Variants in CFAP46 observed in about 807,000 individuals in gnomAD.
CFAP46 encodes the protein cilia- and flagella-associated protein 46.
CFAP46 carries 245 observed loss-of-function variants against 325.7 expected under a neutral mutation model. The ratio of observed to expected loss-of-function variants is 0.75; its 90% confidence interval spans 0.68 to 0.84. The LOEUF is 0.84. Among genes scored for constraint, CFAP46 ranks in the 40% least tolerant of loss-of-function variants. The pLI is 0.00. For synonymous variants in CFAP46, 1,523 were observed against 1,495.9 expected (o/e 1.02, Z -0.42); for missense variants, 3,346 against 3,543.0 (o/e 0.94, Z 1.41).
At chr10:132,912,294 CT>C (rs540236150) in intron 19 of CFAP46, among the ~76,000 whole-genome samples, 36,218 of 99,992 alleles carry the variant, frequency 0.36, 8,115 homozygotes, top group Admixed American at 0.49. Flanking sequence ...CCTCCTCTCT[CT>C]CTCCTCTCTT....
In CFAP46 at chr10:132,834,933, C is replaced by T. The variant is rs562894853; in HGVS notation, c.6745-158G>A. Among the ~76,000 whole-genome samples the T allele has an allele frequency of 6.1e-4, 93 of 152,386 alleles. No individual in the cohort carries two copies. In the Middle Eastern group the frequency reaches 0.027, roughly 45 times the overall value. ...CTCGGCAACGAGGGCCCCATAGCAC[C>T]TGGCCCATCCTCTGGAGGGTCACCC... On this transcript the variant is annotated intron_variant, in intron 47 of 57. Transcript: ENST00000368586.
intron 16 of CFAP46, 64 bp from the exon 17 acceptor site, chr10:132,916,746 A>AAC: frequency 1.4e-6 from 2 of 1,403,822 alleles, no homozygotes; most frequent in South Asian, 3.2e-5. Flanking sequence ...CCAGATAGGA[A>AAC]ACACACACGC....
rs1169725377 is a variant in CFAP46, at chr10:132,908,427, C to A, written c.2924+41G>T. ...TTGAGGCCCAGGCCTGCGCTCCCTG[C>A]CCGTTTTGAGGGAATTTGTCCAGTC... On this transcript the variant is annotated intron_variant, in intron 22 of 57. Transcript: ENST00000368586. 13 of 1,548,442 alleles carry A rather than the reference C, an allele frequency of 8.4e-6. No individual in the cohort carries two copies. In the Admixed American group the frequency reaches 2.5e-4, roughly 30 times the overall value.
chr10:132,876,766 C>A lies in CFAP46; in HGVS notation c.4362+46G>T. The stretch of plus-strand genomic sequence containing the variant: ...GACTTGGGGACAGGTCAAGGGGACA[C>A]CATGCTGTGACCAAGGTCTTGAGCC... On this transcript the variant is annotated intron_variant, in intron 31 of 57. Transcript: ENST00000368586. The surrounding 1 kb of genome is among the most constrained non-coding windows in gnomAD (Gnocchi z 4.1). The A allele has an allele frequency of 1.3e-6, 2 of 1,528,382 alleles. No homozygotes were observed. Among genetic ancestry groups the A allele is most frequent in the African/African-American group, 1.4e-5 (1 of 72,358 alleles). The allele number at this position is 1,528,382 out of a possible 1,614,324, so 94.7% of individuals were successfully genotyped here. A position where few individuals can be genotyped will look rare whatever the true frequency, so the allele number is the denominator to read the frequency against.
At chr10:132,841,815 C>T (rs1457875480) in intron 44 of CFAP46, among the ~76,000 whole-genome samples, 1 of 152,186 alleles carries the variant, frequency 6.6e-6, no homozygotes, top group Non-Finnish European at 1.5e-5. Flanking sequence ...GGAGCATGGT[C>T]CCCAGCAGGC....
At chr10:132,815,887 G>T (rs959113808) in intron 50 of CFAP46, among the ~76,000 whole-genome samples, 2 of 152,180 alleles carry the variant, frequency 1.3e-5, no homozygotes, top group African/African-American at 4.8e-5. Flanking sequence ...GAGGTAGGCT[G>T]GCCTAGGGAA....
chr10:132,936,473 G>A (rs1415257248), intron 7 of CFAP46, among the ~76,000 whole-genome samples: 3 of 99,426 alleles, frequency 3.0e-5, no homozygotes, highest in East Asian at 3.0e-4. Context: ...CACTCCCCTC[G>A]GCACCCAAAC....
chr10:132,883,657 G>A (rs748185248), intron 27 of CFAP46, among the ~76,000 whole-genome samples: 1 of 152,240 alleles, frequency 6.6e-6, no homozygotes, highest in African/African-American at 2.4e-5. Context: ...GCCAGAACTC[G>A]GGAGCAAATG....
intron 1 of CFAP46, 118 bp downstream of exon 1, chr10:132,942,318 T>C: frequency 1.2e-6 from 1 of 809,392 alleles, no homozygotes; most frequent in Non-Finnish European, 1.6e-6. Context: ...GCTGTGGCCC[T>C]CGAGGGATCA....
intron 22 of CFAP46, among the ~76,000 whole-genome samples, chr10:132,903,810 C>T (rs1027647302): frequency 1.7e-4 from 26 of 152,000 alleles, no homozygotes; most frequent in African/African-American, 6.3e-4. Context: ...TTGGTGATTA[C>T]GTTAAATAAA....
At chr10:132,835,628 T>A (rs1324142434) in intron 46 of CFAP46, among the ~76,000 whole-genome samples, 194 bp from the exon 47 acceptor site, 1 of 152,094 alleles carries the variant, frequency 6.6e-6, no homozygotes, top group Non-Finnish European at 1.5e-5. Flanking sequence ...AGGCAGCGGA[T>A]GGGCCTCCTG....
At chr10:132,926,423 G>C (rs972359443) in intron 10 of CFAP46, 145 bp downstream of exon 10, 1 of 649,762 alleles carries the variant, frequency 1.5e-6, no homozygotes, top group Non-Finnish European at 2.8e-6. Flanking sequence ...ACTCACACCC[G>C]CTGTCACGGG....
intron 5 of CFAP46, among the ~76,000 whole-genome samples, chr10:132,937,924 C>G (rs189435966): frequency 1.8e-4 from 28 of 152,324 alleles, no homozygotes; most frequent in Middle Eastern, 6.8e-3. Context: ...TTCAAAGGTT[C>G]CCCAAACGGC....
intron 37 of CFAP46, 149 bp from the exon 38 acceptor site, chr10:132,859,396 G>A: frequency 3.1e-6 from 2 of 654,880 alleles, no homozygotes; most frequent in Non-Finnish European, 5.1e-6. Flanking sequence ...AACATCATAT[G>A]GGCCTCATTC....
Position 132,879,600 on chromosome 10 carries a change from C to T in CFAP46, c.3831G>A (p.Arg1277=). Residue 1277 remains arginine (R), a synonymous_variant, in exon 29 of 58, where the codon CGG becomes CGA. Coordinates refer to ENST00000368586, the MANE Select transcript of CFAP46 (RefSeq NM_001200049.3). ...CCTCCTCGGCCTCGGACACGGGGCTCCGTGGGGGCATCTCCACAGCCACGT... is the reference window on the plus strand; with the variant it reads ...CCTCCTCGGCCTCGGACACGGGGCTTCGTGGGGGCATCTCCACAGCCACGT... ...GEYVAVEMPP[R]SPVSEAEEAV... 1.9e-6 allele frequency: 3 copies of T among 1,543,950 alleles called. No individual in the cohort carries two copies. Among genetic ancestry groups the T allele is most frequent in the Non-Finnish European group, 2.6e-6 (3 of 1,144,578 alleles).
intron 50 of CFAP46, among the ~76,000 whole-genome samples, chr10:132,818,338 G>A (rs1009628464): frequency 6.6e-6 from 1 of 151,954 alleles, no homozygotes; most frequent in Admixed American, 6.6e-5. Context: ...CGTGAAAGGT[G>A]GAACACAAAA....
chr10:132,924,505 G>T (rs982598935), intron 11 of CFAP46, among the ~76,000 whole-genome samples, 191 bp downstream of exon 11: 1 of 152,216 alleles, frequency 6.6e-6, no homozygotes, highest in African/African-American at 2.4e-5. Context: ...CTCTGGCGCC[G>T]CCAATGCACC....
Position 132,934,487 on chromosome 10 carries a change from C to T in CFAP46, c.866+265G>A, listed in dbSNP as rs561618703. On this transcript the variant is annotated intron_variant, in intron 8 of 57. Transcript: ENST00000368586. ...TGGAACGCCACGCAGCCACCAGAAC[C>T]GTGAGAGGTGCCACAGTGACCTAAC... Among the ~76,000 whole-genome samples, 9 of 152,310 alleles carry T rather than the reference C, an allele frequency of 5.9e-5. No individual in the cohort carries two copies. The South Asian group carries it at 1.9e-3, about 32-fold the overall frequency.
Position 132,922,620 on chromosome 10 carries a change from G to A in CFAP46, c.1345C>T (p.Leu449Phe). 1 of 1,549,754 alleles carries A rather than the reference G, an allele frequency of 6.5e-7. No homozygotes were observed. Among genetic ancestry groups the A allele is most frequent in the Non-Finnish European group, 8.7e-7 (1 of 1,146,856 alleles). The stretch of plus-strand genomic sequence containing the variant: ...CTGTCCAGGCGCGCGGCTTTCCGGA[G>A]GTGCTCCGTGGCGGGCTCCAGCCGG... ...EDRLEPATEH[L>F]RKAARLDSLG... is the part of the protein sequence containing the mutation. The change falls in exon 12 of 58, where the codon CTC becomes TTC. Residue 449 changes from leucine to phenylalanine, a missense_variant. Transcript: ENST00000368586.
Sources: allele counts gnomAD v4.1 joint callset (sites outside exome capture counted in the v4.1 genomes callset), GRCh38; gene constraint gnomAD v4.1.1; non-coding constraint Gnocchi (gnomAD v3.1); transcripts MANE v1.5; gene names NCBI Gene and HGNC (gene_info 2026-07-23, HGNC 2026-07-21).